The following GAS2L3 variants were observed in gnomAD, a reference collection of about 807,000 sequenced individuals.
The protein encoded by GAS2L3 is GAS2-like protein 3.
GAS2L3 carries 28 observed loss-of-function variants against 37.0 expected under a neutral mutation model. That is an observed-to-expected ratio of 0.76 (90% CI 0.56 to 1.04). GAS2L3 has a LOEUF of 1.04. GAS2L3 is among the 50% of genes least tolerant of loss of function. The probability of loss-of-function intolerance (pLI) is 0.00; values close to 1 mark genes in which losing one functional copy is unlikely to be tolerated. For missense variants in GAS2L3, 793 were observed against 817.6 expected, an observed-to-expected ratio of 0.97 and a Z score of 0.37; for synonymous variants, 290 against 296.6, an observed-to-expected ratio of 0.98 and a Z score of 0.23.
At chr12:100,585,197 T>A (rs1955765153) in intron 1 of GAS2L3, among the ~76,000 whole-genome samples, 1 of 147,852 alleles carries the variant, frequency 6.8e-6, no homozygotes, top group Non-Finnish European at 1.5e-5. Flanking sequence ...CTGTGCCTGG[T>A]CCTACTTGAA....
chr12:100,597,667 A>G (rs1378530552), intron 3 of GAS2L3, among the ~76,000 whole-genome samples: 1 of 151,326 alleles, frequency 6.6e-6, no homozygotes, highest in East Asian at 1.9e-4. Context: ...CTACCCCTGC[A>G]TGCTTCTTGA....
In GAS2L3 at chr12:100,623,971, A is replaced by C; in HGVS notation, c.1166A>C (p.Lys389Thr). ...TCTCATCCCAAGCTCAAGTCTTCAA[A>C]AGGCATAACGAAGAAACCGCAGGCT... ...ASSHPKLKSS[K>T]GITKKPQAPS... The change falls in exon 10 of 10, where the codon AAA becomes ACA. Residue 389 changes from lysine to threonine, a missense_variant. By Grantham distance (78) the Lys-to-Thr change is moderately conservative. Coordinates refer to ENST00000547754, the MANE Select transcript of GAS2L3 (RefSeq NM_174942.3). 6.2e-7 allele frequency: 1 copy of C among 1,614,122 alleles called. No homozygotes were observed. The highest frequency in any genetic ancestry group is 8.5e-7 in the Non-Finnish European group (1 of 1,180,002).
rs945946702 is a variant in GAS2L3, at chr12:100,598,858, T to C, written c.19-1524T>C. Among the ~76,000 whole-genome samples, 4 of 152,212 alleles carry C rather than the reference T, an allele frequency of 2.6e-5. No individual in the cohort carries two copies. In the South Asian group the frequency reaches 6.2e-4, roughly 24 times the overall value. On this transcript the variant is annotated intron_variant, in intron 3 of 9. Coordinates refer to ENST00000547754, the MANE Select transcript of GAS2L3 (RefSeq NM_174942.3). ...TCATTCTTACTTCTCTCATTCCATA[T>C]TTGTACCTGTCTTCAGTGAGAAGAT...
chr12:100,616,397 GGATTAT>G (rs2136550770), intron 6 of GAS2L3, among the ~76,000 whole-genome samples: 1 of 152,064 alleles, frequency 6.6e-6, no homozygotes, highest in African/African-American at 2.4e-5. Flanking sequence ...TCTACACATA[GGATTAT>G]GTTACCTGTT....
chr12:100,579,969 GA>G (rs1221755605), intron 1 of GAS2L3: 20 of 857,962 alleles, frequency 2.3e-5, no homozygotes, highest in Non-Finnish European at 3.7e-5. Context: ...GTTGCCAATG[GA>G]CAAACAACTG....
chr12:100,625,030 G>C lies in GAS2L3; in HGVS notation c.*140G>C. 1 of 662,182 alleles carries C rather than the reference G, an allele frequency of 1.5e-6. No homozygotes were observed. The highest frequency in any genetic ancestry group is 2.6e-5 in the East Asian group (1 of 37,900). The allele number at this position is 662,182 out of a possible 1,614,324, so 41.0% of individuals were successfully genotyped here. A position where few individuals can be genotyped will look rare whatever the true frequency, so the allele number is the denominator to read the frequency against. The stretch of plus-strand genomic sequence containing the variant: ...GGATGGAGGCTGGGATGAGGAAAGG[G>C]TTCATCAGAATTCACATATCTGAAT... On this transcript the variant is annotated 3_prime_UTR_variant, in exon 10 of 10. Coordinates refer to ENST00000547754, the MANE Select transcript of GAS2L3 (RefSeq NM_174942.3).
At position 100,622,373 on chromosome 12, in the gene GAS2L3, CT is replaced by C; in HGVS notation, c.750del (p.Phe250LeufsTer2). 1.2e-5 allele frequency: 18 copies of C among 1,484,624 alleles called. No homozygotes were observed. Among genetic ancestry groups the C allele is most frequent in the Non-Finnish European group, 1.5e-5 (16 of 1,067,224 alleles). The allele number at this position is 1,484,624 out of a possible 1,614,324, so 92.0% of individuals were successfully genotyped here. ...GRYRLGDKIL[F>X]IRMLHGKHVM... The stretch of plus-strand genomic sequence containing the variant: ...GGTACCGACTAGGGGATAAAATACT[CT>C]TTATAAGAGTAAGTCCATTATTTAC... On this transcript the variant is annotated frameshift_variant, in exon 9 of 10. Transcript: ENST00000547754. LOFTEE classifies it low-confidence loss of function (END_TRUNC).
In GAS2L3 at chr12:100,627,489, G is replaced by C. The variant is rs1055935027; in HGVS notation, c.*2599G>C. The C allele has an allele frequency of 6.6e-6, 1 of 152,112 alleles. No individual in the cohort carries two copies. Among genetic ancestry groups the C allele is most frequent in the African/African-American group, 2.4e-5 (1 of 41,424 alleles). The allele number at this position is 152,112 out of a possible 1,614,324, so 9.4% of individuals were successfully genotyped here. A position where few individuals can be genotyped will look rare whatever the true frequency, so the allele number is the denominator to read the frequency against. On this transcript the variant is annotated 3_prime_UTR_variant, in exon 10 of 10. Transcript: ENST00000547754. ...ATGGGGGTTTCACCATGTCGGCCAG[G>C]CTGATCTCAAACTCCTGACCTCAGG...
In GAS2L3 at chr12:100,600,387, G is replaced by A. The variant is rs1413923652; in HGVS notation, c.24G>A (p.Trp8Ter). 1 of 1,581,658 alleles carries A rather than the reference G, an allele frequency of 6.3e-7. No homozygotes were observed. Among genetic ancestry groups the A allele is most frequent in the Admixed American group, 2.0e-5 (1 of 50,726 alleles). ...TTGATTTTTTTTTTCTTTAGGTATG[G>A]TTTGGAGAAGATCTGCCTCTAAGTC... MQPAIQV[W>*]FGEDLPLSPR... is the part of the protein sequence containing the mutation. The change falls in exon 4 of 10, where the codon TGG (tryptophan) becomes TGA (stop). Residue 8 changes from tryptophan to a stop codon, truncating the protein, a stop_gained. Coordinates refer to ENST00000547754, the MANE Select transcript of GAS2L3 (RefSeq NM_174942.3). LOFTEE classifies it high-confidence loss of function.
rs1334822285 is a variant in GAS2L3, at chr12:100,624,549, AAT to A, written c.1748_1749del (p.Ile583SerfsTer11). 1 of 1,614,022 alleles carries A rather than the reference AAT, an allele frequency of 6.2e-7. No homozygotes were observed. ...AGCCACACAGAAATCAAAAGATAAG[AAT>A]ATAGTTTCAGCTACCAAAAAGCAGC... ...VKATQKSKDK[N>X]IVSATKKQPQ... is the part of the protein sequence containing the mutation. On this transcript the variant is annotated frameshift_variant, in exon 10 of 10. Coordinates refer to ENST00000547754, the MANE Select transcript of GAS2L3 (RefSeq NM_174942.3). LOFTEE classifies it low-confidence loss of function (END_TRUNC).
Position 100,603,725 on chromosome 12 carries a change from T to A in GAS2L3, c.303+1972T>A, listed in dbSNP as rs141092821. 5.1e-3 allele frequency among the ~76,000 whole-genome samples: 772 copies of A among 152,242 alleles called. 5 individuals carry two copies. The highest frequency in any genetic ancestry group is 0.016 in the African/African-American group (659 of 41,552). ...TGCCCAGACCAATATCCTGGAGAGT[T>A]TTCCCAATGTTTTCTTGTAGCAGTT... is the stretch of plus-strand genomic sequence containing the variant. On this transcript the variant is annotated intron_variant, in intron 5 of 9. Coordinates refer to ENST00000547754, the MANE Select transcript of GAS2L3 (RefSeq NM_174942.3).
intron 8 of GAS2L3, among the ~76,000 whole-genome samples, chr12:100,620,196 G>A (rs1415489716): frequency 6.6e-6 from 1 of 151,924 alleles, no homozygotes; most frequent in African/African-American, 2.4e-5. Context: ...CCCTCAAATA[G>A]GGCAACGGTT....
chr12:100,589,755 C>G (rs1229228420), intron 1 of GAS2L3, among the ~76,000 whole-genome samples: 2 of 152,054 alleles, frequency 1.3e-5, no homozygotes, highest in Non-Finnish European at 2.9e-5. Flanking sequence ...AATAGAGAAC[C>G]CAGAAATAAA....
At chr12:100,588,905 C>T (rs887515351) in intron 1 of GAS2L3, among the ~76,000 whole-genome samples, 2 of 152,100 alleles carry the variant, frequency 1.3e-5, no homozygotes, top group Admixed American at 1.3e-4. Flanking sequence ...AGACCTTATG[C>T]TTGTCTTCCC....
intron 1 of GAS2L3, chr12:100,579,309 A>G: frequency 1.5e-6 from 1 of 646,594 alleles, no homozygotes; most frequent in Non-Finnish European, 2.9e-6. Context: ...TATACTAGTA[A>G]GGAAAATACC....
intron 1 of GAS2L3, chr12:100,579,101 G>T: frequency 1.4e-6 from 1 of 725,718 alleles, no homozygotes; most frequent in Non-Finnish European, 2.6e-6. Flanking sequence ...ATTTGTTCAG[G>T]AGAGAGTCAC....
rs1013676829 is a variant in GAS2L3 at position 100,623,488 on chromosome 12, T to G, written c.757-74T>G. On this transcript the variant is annotated intron_variant, in intron 9 of 9. Transcript: ENST00000547754. ...TTTATAGATCACAGACATCACATATTGTAACTGCTAATGAATTGTAACTAT... is the reference window on the plus strand; with the variant it reads ...TTTATAGATCACAGACATCACATATGGTAACTGCTAATGAATTGTAACTAT... The G allele has an allele frequency of 1.6e-5, 22 of 1,356,298 alleles. No individual in the cohort carries two copies. The East Asian group carries it at 4.9e-4, about 30-fold the overall frequency. 84.0% of individuals were successfully genotyped at this position (1,356,298 alleles called of 1,614,324 possible).
intron 1 of GAS2L3, among the ~76,000 whole-genome samples, chr12:100,589,015 A>T (rs1955814426): frequency 6.6e-6 from 1 of 152,198 alleles, no homozygotes; most frequent in African/African-American, 2.4e-5. Flanking sequence ...GAGTTAACAC[A>T]ATTATCACAG....
chr12:100,624,058 C>T lies in GAS2L3; in HGVS notation c.1253C>T (p.Ser418Leu). The change falls in exon 10 of 10, where the codon TCA becomes TTA. Residue 418 changes from serine (S) to leucine (L), a missense_variant. Ser to Leu is a moderately radical substitution (Grantham distance 145, BLOSUM62 -2). Coordinates refer to ENST00000547754, the MANE Select transcript of GAS2L3 (RefSeq NM_174942.3). The part of the protein sequence containing the change: ...SLNPVGKNTS[S>L]PALPRTAPCI... The stretch of plus-strand genomic sequence containing the variant: ...AATCCAGTAGGTAAAAACACTTCTT[C>T]ACCAGCTTTACCAAGAACTGCACCT... 1 of 1,614,104 alleles carries T rather than the reference C, an allele frequency of 6.2e-7. No individual in the cohort carries two copies. The highest frequency in any genetic ancestry group is 8.5e-7 in the Non-Finnish European group (1 of 1,180,002).
Sources: allele counts gnomAD v4.1 joint callset (sites outside exome capture counted in the v4.1 genomes callset), GRCh38; gene constraint gnomAD v4.1.1; transcripts MANE v1.5; gene names NCBI Gene and HGNC (gene_info 2026-07-23, HGNC 2026-07-21).